The following ZMAT4 variants were observed in gnomAD, a reference collection of about 807,000 sequenced individuals.
ZMAT4 encodes zinc finger matrin-type 4, also known as zinc finger matrin-type protein 4.
Under a neutral mutation model 28.7 loss-of-function variants are expected in ZMAT4, and 17 were observed. That is an observed-to-expected ratio of 0.59 (90% confidence interval 0.41 to 0.89). The LOEUF (loss-of-function observed/expected upper bound fraction) is 0.89, where lower values mean the gene tolerates loss of function less well. ZMAT4 is among the 40% of genes least tolerant of loss of function. The pLI is 0.00. For synonymous variants in ZMAT4, 117 were observed against 109.2 expected, an observed-to-expected ratio of 1.07 and a Z score of -0.44; for missense variants, 240 against 283.8, an observed-to-expected ratio of 0.85 and a Z score of 1.11.
At chr8:40,672,694 A>G (rs1808729104) in intron 5 of ZMAT4, among the ~76,000 whole-genome samples, 1 of 152,208 alleles carries the variant, frequency 6.6e-6, no homozygotes. Flanking sequence ...AATAACTGGC[A>G]CCAAACATAA....
At position 40,872,468 on chromosome 8, in the gene ZMAT4, A is replaced by G. The variant is rs141195226; in HGVS notation, c.-5+25215T>C. Among the ~76,000 whole-genome samples, 24 of 152,272 alleles carry G rather than the reference A, an allele frequency of 1.6e-4. No homozygotes were observed. In the East Asian group the frequency reaches 4.6e-3, roughly 29 times the overall value. On this transcript the variant is annotated intron_variant, in intron 1 of 6. Coordinates refer to ENST00000297737, the MANE Select transcript of ZMAT4 (RefSeq NM_024645.3). The stretch of plus-strand genomic sequence containing the variant: ...CAACCCTGGAGAAGGAGAGTAAACA[A>G]GCTGGGAAATGCCACCAGTGTGCTC...
chr8:40,690,534 C>T (rs1418965849), intron 4 of ZMAT4, among the ~76,000 whole-genome samples: 1 of 152,112 alleles, frequency 6.6e-6, no homozygotes, highest in Non-Finnish European at 1.5e-5. Context: ...CTATTGTTTG[C>T]ATCTATTAAA....
intron 3 of ZMAT4, among the ~76,000 whole-genome samples, chr8:40,734,713 T>G (rs1811688809): frequency 1.3e-5 from 2 of 152,150 alleles, no homozygotes; most frequent in South Asian, 4.1e-4. Context: ...TCACCTTACA[T>G]TTAACAGCAA....
Position 40,697,405 on chromosome 8 carries a change from CG to C in ZMAT4, c.193-5del, listed in dbSNP as rs779009006. On this transcript the variant is annotated splice_region_variant and splice_polypyrimidine_tract_variant and intron_variant, in intron 3 of 6. Coordinates refer to ENST00000297737, the MANE Select transcript of ZMAT4 (RefSeq NM_024645.3). ...CCACCATGTCGGCATCACTTCCCTG[CG>C]CAGGGAGAAAGAAAGGCCACGTGTG... 6.4e-7 allele frequency: 1 copy of C among 1,565,796 alleles called. No individual in the cohort carries two copies.
At chr8:40,595,474 A>C (rs1805059279) in intron 5 of ZMAT4, among the ~76,000 whole-genome samples, 1 of 152,204 alleles carries the variant, frequency 6.6e-6, no homozygotes, top group African/African-American at 2.4e-5. Context: ...TGTGAACATC[A>C]GAGTGTACTT....
rs80291665 is a variant in ZMAT4 at position 40,531,885 on chromosome 8, G to A, written c.*338C>T. The A allele has an allele frequency of 0.04, 8,202 of 203,286 alleles. 361 individuals carry two copies. The highest frequency in any genetic ancestry group is 0.12 in the African/African-American group (5,388 of 43,614). 12.6% of individuals were successfully genotyped at this position (203,286 alleles called of 1,614,324 possible). ...AATAATTATGCTCTGAGGAAATCTAGAATAAATTGGAAATTTAAATTTTTC... is the reference window on the plus strand; with the variant it reads ...AATAATTATGCTCTGAGGAAATCTAAAATAAATTGGAAATTTAAATTTTTC... On this transcript the variant is annotated 3_prime_UTR_variant, in exon 7 of 7. Coordinates refer to ENST00000297737, the MANE Select transcript of ZMAT4 (RefSeq NM_024645.3).
intron 6 of ZMAT4, among the ~76,000 whole-genome samples, chr8:40,578,174 A>G (rs564678700): frequency 2.6e-4 from 39 of 152,306 alleles, no homozygotes; most frequent in African/African-American, 8.2e-4. Context: ...TAGCATAAAA[A>G]AAGAAATATA....
chr8:40,580,000 A>G (rs1340355227), intron 6 of ZMAT4, among the ~76,000 whole-genome samples: 2 of 142,422 alleles, frequency 1.4e-5, no homozygotes, highest in Non-Finnish European at 3.0e-5. Context: ...GAAGGACTCA[A>G]TGTATTCATC....
chr8:40,554,704 A>T (rs1216968598), intron 6 of ZMAT4, among the ~76,000 whole-genome samples: 1 of 152,166 alleles, frequency 6.6e-6, no homozygotes. Flanking sequence ...TTACATATTT[A>T]TGGAGTATAA....
At chr8:40,801,351 A>ATATATATAT (rs1554559738) in intron 2 of ZMAT4, among the ~76,000 whole-genome samples, 9 of 97,258 alleles carry the variant, frequency 9.3e-5, no homozygotes, top group African/African-American at 3.3e-4. Context: ...TAAAAAAAAA[A>ATATATATAT]ATATATATAT....
At chr8:40,776,208 G>C (rs917932329) in intron 2 of ZMAT4, among the ~76,000 whole-genome samples, 1 of 152,136 alleles carries the variant, frequency 6.6e-6, no homozygotes. Flanking sequence ...AAAGCAAAAA[G>C]GGTAGTCCCA....
rs142177006 is a variant in ZMAT4, at chr8:40,880,962, C to T, written c.-5+16721G>A. Among the ~76,000 whole-genome samples the T allele has an allele frequency of 5.9e-5, 9 of 152,294 alleles. No individual in the cohort carries two copies. The East Asian group carries it at 1.7e-3, about 29-fold the overall frequency. ...ACCCAAACAACCGCCCAACTCCCCA[C>T]ACCATTAAGTATGACACAGCGTCTT... is the stretch of plus-strand genomic sequence containing the variant. On this transcript the variant is annotated intron_variant, in intron 1 of 6. Transcript: ENST00000297737.
rs1462831260 is a variant in ZMAT4, at chr8:40,530,747, A to G, written c.*1476T>C. 6.6e-6 allele frequency: 1 copy of G among 152,036 alleles called. No individual in the cohort carries two copies. The highest frequency in any genetic ancestry group is 1.5e-5 in the Non-Finnish European group (1 of 67,960). The allele number at this position is 152,036 out of a possible 1,614,324, so 9.4% of individuals were successfully genotyped here. ...CAGCAAAATAGATTCTTCCCATCCA[A>G]CCCCCTTTCCTCTTGTAGAGTAGGG... On this transcript the variant is annotated 3_prime_UTR_variant, in exon 7 of 7. Transcript: ENST00000297737.
intron 3 of ZMAT4, among the ~76,000 whole-genome samples, chr8:40,753,785 C>T (rs1272150434): frequency 6.6e-6 from 1 of 152,184 alleles, no homozygotes; most frequent in Non-Finnish European, 1.5e-5. Flanking sequence ...AGATTCTTGA[C>T]TTAAGCTCCT....
intron 3 of ZMAT4, among the ~76,000 whole-genome samples, chr8:40,735,613 G>C (rs951916196): frequency 6.6e-6 from 1 of 152,142 alleles, no homozygotes. Flanking sequence ...AAAGCTTGAG[G>C]AAACAGGTTT....
At chr8:40,681,897 G>A (rs1809181930) in intron 4 of ZMAT4, among the ~76,000 whole-genome samples, 1 of 151,946 alleles carries the variant, frequency 6.6e-6, no homozygotes, top group Non-Finnish European at 1.5e-5. Context: ...AAAAAGATAT[G>A]TTTTAGAAAA....
intron 1 of ZMAT4, among the ~76,000 whole-genome samples, chr8:40,876,523 T>C (rs1278754979): frequency 6.6e-6 from 1 of 151,910 alleles, no homozygotes; most frequent in African/African-American, 2.4e-5. Flanking sequence ...GCTGTGTTGC[T>C]CAGACTGGTC....
In ZMAT4 at chr8:40,862,596, AAAAAG is replaced by A. The variant is rs1159520829; in HGVS notation, c.-5+35082_-5+35086del. ...AAAAAAAAAAAATTAAAAAAAAAAAAAAAAGAAAATTTGGCACATATACACCATGG... is the reference window on the plus strand; with the variant it reads ...AAAAAAAAAAAATTAAAAAAAAAAAAAAAATTTGGCACATATACACCATGG... On this transcript the variant is annotated intron_variant, in intron 1 of 6. Coordinates refer to ENST00000297737, the MANE Select transcript of ZMAT4 (RefSeq NM_024645.3). 3.7e-3 allele frequency among the ~76,000 whole-genome samples: 544 copies of A among 146,992 alleles called. 4 individuals carry two copies. The highest frequency in any genetic ancestry group is 9.9e-3 in the African/African-American group (398 of 40,164).
intron 2 of ZMAT4, among the ~76,000 whole-genome samples, chr8:40,787,492 T>C (rs1465509302): frequency 1.3e-5 from 2 of 152,366 alleles, no homozygotes; most frequent in East Asian, 3.9e-4. Flanking sequence ...GATTTATTCT[T>C]GTGTAAATCT....
Sources: allele counts gnomAD v4.1 joint callset (sites outside exome capture counted in the v4.1 genomes callset), GRCh38; gene constraint gnomAD v4.1.1; transcripts MANE v1.5; gene names NCBI Gene and HGNC (gene_info 2026-07-23, HGNC 2026-07-21).